SAMD12: variants seen among roughly 807,000 people sequenced by gnomAD.
The protein encoded by SAMD12 is sterile alpha motif domain-containing protein 12.
Under a neutral mutation model 15.0 loss-of-function variants are expected in SAMD12, and 9 were observed. That is an observed-to-expected ratio of 0.60 (90% CI 0.36 to 1.05). The LOEUF (loss-of-function observed/expected upper bound fraction) is 1.05. Among genes scored for constraint, SAMD12 ranks in the 50% least tolerant of loss-of-function variants. The pLI is 0.01. For synonymous variants in SAMD12, 86 were observed against 90.1 expected (o/e 0.96, Z 0.25); for missense variants, 230 against 234.2 (o/e 0.98, Z 0.12).
At chr8:118,589,012 T>C (rs2131274859) in intron 1 of SAMD12, among the ~76,000 whole-genome samples, 1 of 152,270 alleles carries the variant, frequency 6.6e-6, no homozygotes, top group East Asian at 1.9e-4. Flanking sequence ...AAAATATAAA[T>C]GTCCAGAAGG....
chr8:118,616,982 C>T (rs1291104090), intron 1 of SAMD12, among the ~76,000 whole-genome samples: 2 of 152,164 alleles, frequency 1.3e-5, no homozygotes, highest in Admixed American at 1.3e-4. Context: ...AACCATCCCC[C>T]ATGGAAAAAC....
intron 3 of SAMD12, among the ~76,000 whole-genome samples, chr8:118,408,826 GC>G (rs1482889836): frequency 1.3e-5 from 2 of 152,122 alleles, no homozygotes; most frequent in African/African-American, 4.8e-5. Context: ...AGCTCACTTT[GC>G]CTTAGCTCTC....
At chr8:118,572,283 TAC>T (rs1489739303) in intron 2 of SAMD12, among the ~76,000 whole-genome samples, 1 of 152,252 alleles carries the variant, frequency 6.6e-6, no homozygotes, top group East Asian at 1.9e-4. Flanking sequence ...CTTTTGATTT[TAC>T]AGACTCCATA....
chr8:118,599,735 C>G (rs1347141949), intron 1 of SAMD12, among the ~76,000 whole-genome samples: 1 of 152,088 alleles, frequency 6.6e-6, no homozygotes, highest in East Asian at 1.9e-4. Flanking sequence ...CTGGGCAGTC[C>G]AATCAGAGAG....
At chr8:118,153,098 T>A in the SAMD12 span, among the ~76,000 whole-genome samples, 1 of 152,234 alleles carries the variant, frequency 6.6e-6, no homozygotes, top group South Asian at 2.1e-4. Context: ...TTTCACTTGG[T>A]GTCTGTGTCA....
intron 2 of SAMD12, among the ~76,000 whole-genome samples, chr8:118,463,625 C>T (rs1274631778): frequency 6.6e-6 from 1 of 152,060 alleles, no homozygotes; most frequent in Non-Finnish European, 1.5e-5. Context: ...ACAAGTACCA[C>T]GTTACAAAAT....
intron 4 of SAMD12, among the ~76,000 whole-genome samples, chr8:118,225,265 A>T (rs2451139): frequency 0.83 from 125,941 of 152,126 alleles, 53,446 homozygotes; most frequent in Non-Finnish European, 0.92. Context: ...TCCCCTTATG[A>T]TGAATGTGTT....
At chr8:118,171,996 A>G in the SAMD12 span, among the ~76,000 whole-genome samples, 1 of 152,124 alleles carries the variant, frequency 6.6e-6, no homozygotes, top group Non-Finnish European at 1.5e-5. Context: ...TGAGCAAACT[A>G]TCGCAAGGAC....
intron 4 of SAMD12, among the ~76,000 whole-genome samples, chr8:118,299,642 T>C (rs1011974486): frequency 6.6e-6 from 1 of 152,110 alleles, no homozygotes; most frequent in Non-Finnish European, 1.5e-5. Context: ...GGAGAAAAGA[T>C]GTGAGTAGAA....
In SAMD12 at chr8:118,378,465, A is replaced by G. The variant is rs749309700; in HGVS notation, c.*952T>C. 5.6e-5 allele frequency: 55 copies of G among 983,892 alleles called. No homozygotes were observed. The highest frequency in any genetic ancestry group is 5.2e-4 in the Middle Eastern group (1 of 1,930). The allele number at this position is 983,892 out of a possible 1,614,324, so 60.9% of individuals were successfully genotyped here. ...GCAAATAATGCATATGAGACAAACA[A>G]TACTATTTTACGATCACTTGAAATC... On this transcript the variant is annotated 3_prime_UTR_variant, in exon 4 of 4. Coordinates refer to ENST00000314727, the MANE Select transcript of SAMD12 (RefSeq NM_207506.3).
chr8:118,167,683 C>T, the SAMD12 span, among the ~76,000 whole-genome samples: 1 of 152,154 alleles, frequency 6.6e-6, no homozygotes, highest in Non-Finnish European at 1.5e-5. Flanking sequence ...TTGCTGACAG[C>T]AGCCAATCCA....
rs564986195 is a variant in SAMD12, at chr8:118,621,703, C to G, written c.13+101G>C. The stretch of plus-strand genomic sequence containing the variant: ...GGAAGGGGCCCGCTCTCCGCCACCC[C>G]CTTTCCTCGCCTCCCCACGATCGCC... On this transcript the variant is annotated intron_variant, in intron 1 of 3. Coordinates refer to ENST00000314727, the MANE Select transcript of SAMD12 (RefSeq NM_207506.3). 2.2e-5 allele frequency: 31 copies of G among 1,380,270 alleles called. No individual in the cohort carries two copies. In the Middle Eastern group the frequency reaches 5.5e-4, roughly 25 times the overall value. The allele number at this position is 1,380,270 out of a possible 1,614,324, so 85.5% of individuals were successfully genotyped here. A position where few individuals can be genotyped will look rare whatever the true frequency, so the allele number is the denominator to read the frequency against.
chr8:118,343,547 G>A (rs553564000), intron 4 of SAMD12, among the ~76,000 whole-genome samples: 19 of 152,174 alleles, frequency 1.2e-4, no homozygotes, highest in Non-Finnish European at 2.4e-4. Flanking sequence ...TCAACAGGAG[G>A]GGCTGGGTTG....
the SAMD12 span, among the ~76,000 whole-genome samples, chr8:118,166,304 CA>C: frequency 6.6e-6 from 1 of 152,182 alleles, no homozygotes; most frequent in Non-Finnish European, 1.5e-5. Context: ...ATTTATTTCT[CA>C]CATCTTCAAA....
At chr8:118,417,957 C>T (rs910154089) in intron 3 of SAMD12, among the ~76,000 whole-genome samples, 2 of 152,178 alleles carry the variant, frequency 1.3e-5, no homozygotes, top group African/African-American at 4.8e-5. Flanking sequence ...CTTTGAGCCC[C>T]ATTTCAGATG....
chr8:118,487,027 A>G (rs899619365), intron 2 of SAMD12, among the ~76,000 whole-genome samples: 2 of 152,160 alleles, frequency 1.3e-5, no homozygotes, highest in Non-Finnish European at 2.9e-5. Context: ...AGGAAGTCAG[A>G]GGGCAGGGAA....
At chr8:118,241,173 C>T (rs1586376274) in intron 4 of SAMD12, among the ~76,000 whole-genome samples, 3 of 152,154 alleles carry the variant, frequency 2.0e-5, no homozygotes, top group Non-Finnish European at 2.9e-5. Context: ...GAGGACATTT[C>T]CTGATGCGAG....
At chr8:118,153,168 T>A in the SAMD12 span, among the ~76,000 whole-genome samples, 2 of 152,200 alleles carry the variant, frequency 1.3e-5, no homozygotes, top group Non-Finnish European at 2.9e-5. Context: ...TAATTATTTA[T>A]TTTTCCTCAT....
In SAMD12 at chr8:118,406,200, C is replaced by T. The variant is rs118137528; in HGVS notation, c.323-26500G>A. On this transcript the variant is annotated intron_variant, in intron 3 of 3. Coordinates refer to ENST00000314727, the MANE Select transcript of SAMD12 (RefSeq NM_207506.3). Reference sequence around the variant, plus strand: ...TATCAGGAAATTAGATTCAAACAAACACTATGGATTCTTTTTTTTTTTAAT... The same window carrying T: ...TATCAGGAAATTAGATTCAAACAAATACTATGGATTCTTTTTTTTTTTAAT... 6.1e-3 allele frequency among the ~76,000 whole-genome samples: 934 copies of T among 151,916 alleles called. 5 individuals are homozygous for T. The highest frequency in any genetic ancestry group is 0.024 in the Middle Eastern group (7 of 294).
Sources: gnomAD v4.1 joint callset for allele counts (sites outside exome capture counted in the v4.1 genomes callset) on GRCh38, gnomAD v4.1.1 for gene constraint, MANE v1.5 for transcripts, NCBI Gene and HGNC (gene_info 2026-07-23, HGNC 2026-07-21) for gene names.